The following CACNB2 variants were observed in gnomAD, a reference collection of about 807,000 sequenced individuals.
CACNB2 encodes voltage-dependent L-type calcium channel subunit beta-2.
A neutral mutation model predicts 73.3 loss-of-function variants in CACNB2; 42 were observed. That is an observed-to-expected ratio of 0.57 (90% CI 0.45 to 0.74). The LOEUF is 0.74. CACNB2 is among the 30% of genes least tolerant of loss of function. The pLI, the probability that CACNB2 is intolerant of heterozygous loss-of-function variation, is 0.00. For synonymous variants in CACNB2, 348 were observed against 310.3 expected (o/e 1.12, Z -1.28); for missense variants, 940 against 853.0 (o/e 1.10, Z -1.27).
intron 2 of CACNB2, among the ~76,000 whole-genome samples, chr10:18,278,943 G>C (rs1180041361): frequency 5.9e-5 from 9 of 152,080 alleles, no homozygotes; most frequent in Non-Finnish European, 1.0e-4. Flanking sequence ...CTTGAACCCA[G>C]GAAGTCAAGG....
chr10:18,340,932 T>A (rs1362266995), intron 2 of CACNB2: 1 of 1,614,156 alleles, frequency 6.2e-7, no homozygotes, highest in Non-Finnish European at 8.5e-7. Flanking sequence ...CTAGCATGCT[T>A]GACAGACGCC....
intron 3 of CACNB2, among the ~76,000 whole-genome samples, chr10:18,457,636 A>G (rs995488655): frequency 4.6e-5 from 7 of 152,126 alleles, no homozygotes; most frequent in African/African-American, 1.7e-4. Context: ...CATGCCTGTA[A>G]TCCAAGCACT....
chr10:18,191,500 G>C (rs1482368253), intron 2 of CACNB2, among the ~76,000 whole-genome samples: 1 of 152,110 alleles, frequency 6.6e-6, no homozygotes, highest in African/African-American at 2.4e-5. Context: ...ACATGAGTAA[G>C]TTGTTTAGTG....
At chr10:18,366,868 C>G (rs1355760436) in intron 2 of CACNB2, among the ~76,000 whole-genome samples, 1 of 151,564 alleles carries the variant, frequency 6.6e-6, no homozygotes, top group Non-Finnish European at 1.5e-5. Context: ...GAAGTGCTTA[C>G]AAATAGTCAT....
chr10:18,237,300 T>C (rs2036483646), intron 2 of CACNB2, among the ~76,000 whole-genome samples: 1 of 152,216 alleles, frequency 6.6e-6, no homozygotes, highest in South Asian at 2.1e-4. Flanking sequence ...TAAGATTAGA[T>C]TTTACTCAAT....
At chr10:18,262,099 T>C in intron 2 of CACNB2, 1 of 498,748 alleles carries the variant, frequency 2.0e-6, no homozygotes, top group African/African-American at 1.9e-5. Context: ...CTGGGCAAAC[T>C]GCAGTGCTGA....
At chr10:18,313,864 C>T (rs1432267258) in intron 2 of CACNB2, among the ~76,000 whole-genome samples, 2 of 152,144 alleles carry the variant, frequency 1.3e-5, no homozygotes, top group African/African-American at 2.4e-5. Context: ...TTTCAAAGAG[C>T]TGTTTCTATT....
intron 6 of CACNB2, among the ~76,000 whole-genome samples, chr10:18,510,606 C>T (rs1436014713): frequency 6.6e-6 from 1 of 152,174 alleles, no homozygotes. Context: ...CCCAGCCTCA[C>T]TCTTATTTTA....
At chr10:18,457,218 G>T (rs1169451840) in intron 3 of CACNB2, among the ~76,000 whole-genome samples, 1 of 152,078 alleles carries the variant, frequency 6.6e-6, no homozygotes. Context: ...AGCTTCCTGG[G>T]TAACCAGGAC....
At chr10:18,194,123 C>T (rs1016108238) in intron 2 of CACNB2, among the ~76,000 whole-genome samples, 12 of 152,056 alleles carry the variant, frequency 7.9e-5, no homozygotes, top group Non-Finnish European at 1.3e-4. Context: ...CAGAGATGCC[C>T]CATGCCTCTG....
chr10:18,536,243 C>CTTTTCTTTTTTT lies in CACNB2; in HGVS notation c.1302+51_1302+52insCTTTTTTTTTTT, dbSNP rs1327787339. Reference sequence around the variant, plus strand: ...CATAATCCAGTTACAGAGATCAGACCTTTTTTTTTTTTTTTTTTTTTTTTT... The same window carrying CTTTTCTTTTTTT: ...CATAATCCAGTTACAGAGATCAGACCTTTTCTTTTTTTTTTTTTTTTTTTTTTTTTTTTTTTT... On this transcript the variant is annotated intron_variant, in intron 12 of 13. Transcript: ENST00000324631. 2.0e-3 allele frequency: 566 copies of CTTTTCTTTTTTT among 282,372 alleles called. 40 individuals are homozygous for CTTTTCTTTTTTT. Among genetic ancestry groups the CTTTTCTTTTTTT allele is most frequent in the African/African-American group, 4.1e-3 (63 of 15,382 alleles). The allele number at this position is 282,372 out of a possible 1,614,324, so 17.5% of individuals were successfully genotyped here. A position where few individuals can be genotyped will look rare whatever the true frequency, so the allele number is the denominator to read the frequency against.
At chr10:18,369,502 A>T (rs187876255) in intron 2 of CACNB2, among the ~76,000 whole-genome samples, 2 of 152,232 alleles carry the variant, frequency 1.3e-5, no homozygotes, top group African/African-American at 4.8e-5. Flanking sequence ...AGAAACATGC[A>T]TCAATAAGAA....
At chr10:18,178,375 T>C (rs1001650179) in intron 2 of CACNB2, among the ~76,000 whole-genome samples, 1 of 152,220 alleles carries the variant, frequency 6.6e-6, no homozygotes, top group African/African-American at 2.4e-5. Context: ...CTCAGATTCC[T>C]TCTCATTCAA....
At chr10:18,359,567 C>G (rs752042797) in intron 2 of CACNB2, among the ~76,000 whole-genome samples, 2 of 151,986 alleles carry the variant, frequency 1.3e-5, no homozygotes, top group Non-Finnish European at 2.9e-5. Flanking sequence ...AACCACCACA[C>G]CCAGCCTGAA....
intron 3 of CACNB2, among the ~76,000 whole-genome samples, chr10:18,450,171 A>C (rs917921872): frequency 2.0e-5 from 3 of 152,224 alleles, no homozygotes; most frequent in Non-Finnish European, 4.4e-5. Context: ...AATAAACGGT[A>C]GGTAAAATGC....
chr10:18,279,949 T>G (rs1489365773), intron 2 of CACNB2, among the ~76,000 whole-genome samples: 6 of 152,148 alleles, frequency 3.9e-5, no homozygotes, highest in Non-Finnish European at 5.9e-5. Flanking sequence ...CATGGTGGCA[T>G]GTGCCTGTAA....
intron 3 of CACNB2, among the ~76,000 whole-genome samples, chr10:18,415,847 A>G (rs11014144): frequency 0.13 from 19,755 of 152,210 alleles, 1,628 homozygotes; most frequent in East Asian, 0.27. Flanking sequence ...GAATCTTTTC[A>G]TCTTGCAAAT....
chr10:18,228,702 T>A (rs1308008935), intron 2 of CACNB2, among the ~76,000 whole-genome samples: 1 of 151,238 alleles, frequency 6.6e-6, no homozygotes, highest in Non-Finnish European at 1.5e-5. Flanking sequence ...GTCAGTTTTG[T>A]TGTGAGTGGC....
chr10:18,158,356 C>T (rs925290962), intron 2 of CACNB2, among the ~76,000 whole-genome samples: 1 of 152,176 alleles, frequency 6.6e-6, no homozygotes, highest in African/African-American at 2.4e-5. Flanking sequence ...TAAACATAAC[C>T]TCTAGGCACT....
Sources: gnomAD v4.1 joint callset for allele counts (sites outside exome capture counted in the v4.1 genomes callset) on GRCh38, gnomAD v4.1.1 for gene constraint, MANE v1.5 for transcripts, NCBI Gene and HGNC (gene_info 2026-07-23, HGNC 2026-07-21) for gene names.